The following PCDHGA11 variants were observed in gnomAD, a reference collection of about 807,000 sequenced individuals.
The protein encoded by PCDHGA11 is protocadherin gamma-A11.
In PCDHGA11, 39 loss-of-function variants were observed where a neutral mutation model predicts 60.4. The observed-to-expected ratio is 0.65, with a 90% CI of 0.50 to 0.84. The LOEUF (loss-of-function observed/expected upper bound fraction) is 0.84. PCDHGA11 is among the 40% of genes least tolerant of loss of function. PCDHGA11 has a pLI of 0.00. For synonymous variants in PCDHGA11, 533 were observed against 510.3 expected (o/e 1.04, Z -0.60); for missense variants, 1,165 against 1,197.7 (o/e 0.97, Z 0.40).
intron 1 of PCDHGA11, among the ~76,000 whole-genome samples, chr5:141,448,711 C>T (rs62379167): frequency 0.23 from 35,567 of 151,844 alleles, 4,336 homozygotes; most frequent in Admixed American, 0.32. Context: ...GAGGCCGAGG[C>T]GGGAGGATCA....
chr5:141,425,812 G>GA (rs574320012), intron 1 of PCDHGA11, among the ~76,000 whole-genome samples: 9 of 152,054 alleles, frequency 5.9e-5, no homozygotes, highest in South Asian at 4.1e-4. Flanking sequence ...CTTCTGCTTA[G>GA]AAAAAAACAA....
chr5:141,478,323 G>A, intron 1 of PCDHGA11: 2 of 1,613,958 alleles, frequency 1.2e-6, no homozygotes, highest in Non-Finnish European at 8.5e-7. Flanking sequence ...TCACTGTACC[G>A]AACACCAGGG....
chr5:141,488,751 C>T (rs1185515068), intron 1 of PCDHGA11, among the ~76,000 whole-genome samples: 1 of 152,154 alleles, frequency 6.6e-6, no homozygotes, highest in Non-Finnish European at 1.5e-5. Context: ...CAGGAAGTTG[C>T]TGGGACAGAA....
At chr5:141,463,803 A>G (rs975202568) in intron 1 of PCDHGA11, among the ~76,000 whole-genome samples, 1 of 152,150 alleles carries the variant, frequency 6.6e-6, no homozygotes, top group Non-Finnish European at 1.5e-5. Flanking sequence ...AATGTCTAAA[A>G]GCTTTTATCA....
At chr5:141,483,222 C>A (rs1011389295) in intron 1 of PCDHGA11, among the ~76,000 whole-genome samples, 4 of 152,078 alleles carry the variant, frequency 2.6e-5, no homozygotes, top group African/African-American at 9.7e-5. Context: ...ACAGTCACTG[C>A]AGAAATTTGA....
intron 1 of PCDHGA11, chr5:141,430,693 C>A: frequency 1.4e-6 from 2 of 1,425,428 alleles, no homozygotes; most frequent in Admixed American, 2.6e-5. Context: ...ATTCTATGGG[C>A]GAAGGAACTG....
At position 141,511,410 on chromosome 5, in the gene PCDHGA11, T is replaced by A; in HGVS notation, c.*237T>A. The stretch of plus-strand genomic sequence containing the variant: ...GGAACCCCCATCCAATCAACTGCTG[T>A]ACCCATGGGGGTAGTGGGGTTACTG... On this transcript the variant is annotated 3_prime_UTR_variant, in exon 4 of 4. Coordinates refer to ENST00000398587, the MANE Select transcript of PCDHGA11 (RefSeq NM_018914.3). 1 of 908,820 alleles carries A rather than the reference T, an allele frequency of 1.1e-6. No individual in the cohort carries two copies. The highest frequency in any genetic ancestry group is 1.6e-6 in the Non-Finnish European group (1 of 624,202). 56.3% of individuals were successfully genotyped at this position (908,820 alleles called of 1,614,324 possible). A position where few individuals can be genotyped will look rare whatever the true frequency, so the allele number is the denominator to read the frequency against.
rs375080564 is a variant in PCDHGA11 at position 141,486,676 on chromosome 5, T to C, written c.2434-8131T>C. On this transcript the variant is annotated intron_variant, in intron 1 of 3. Transcript: ENST00000398587. The surrounding 1 kb of genome is among the most constrained non-coding windows in gnomAD (Gnocchi z 5.0). ...CACTCCTGGAGCCCAGGAATCGAGA[T>C]GTATCAGCTTCCTCTTTCATCTCTC... The C allele has an allele frequency of 6.2e-7, 1 of 1,614,120 alleles. No homozygotes were observed. The highest frequency in any genetic ancestry group is 1.7e-5 in the Admixed American group (1 of 60,032).
Position 141,448,649 on chromosome 5 carries a change from T to C in PCDHGA11, c.2433+24989T>C, listed in dbSNP as rs181402439. 1.4e-3 allele frequency among the ~76,000 whole-genome samples: 218 copies of C among 152,220 alleles called. 1 individual carries two copies. Among genetic ancestry groups the C allele is most frequent in the African/African-American group, 5.0e-3 (206 of 41,530 alleles). On this transcript the variant is annotated intron_variant, in intron 1 of 3. Transcript: ENST00000398587. ...CTTCACATTATATCCTTTAAAAATA[T>C]TTCCATATTGGCCGGGCGCGGTGGC...
At chr5:141,458,090 G>C (rs1306631184) in intron 1 of PCDHGA11, among the ~76,000 whole-genome samples, 2 of 152,234 alleles carry the variant, frequency 1.3e-5, no homozygotes, top group Non-Finnish European at 1.5e-5. Context: ...CGTAAGTTAA[G>C]AGTACTTACA....
rs765263883 is a variant in PCDHGA11 at position 141,491,018 on chromosome 5, C to T, written c.2434-3789C>T. On this transcript the variant is annotated intron_variant, in intron 1 of 3. Coordinates refer to ENST00000398587, the MANE Select transcript of PCDHGA11 (RefSeq NM_018914.3). This position sits in a 1 kb window ranked among gnomAD's most constrained non-coding sequence, Gnocchi z 6.9. The stretch of plus-strand genomic sequence containing the variant: ...CCTGGCTCCTTGGTCACCAAGGTGA[C>T]AGCCGTGGATGCTGATGCAGGCCAC... 1.2e-6 allele frequency: 2 copies of T among 1,614,146 alleles called. No individual in the cohort carries two copies. The highest frequency in any genetic ancestry group is 1.7e-6 in the Non-Finnish European group (2 of 1,180,042).
At chr5:141,459,315 T>C (rs2154566534) in intron 1 of PCDHGA11, among the ~76,000 whole-genome samples, 1 of 152,362 alleles carries the variant, frequency 6.6e-6, no homozygotes, top group East Asian at 1.9e-4. Context: ...CTATTTTGTA[T>C]CCATCTTCTT....
intron 2 of PCDHGA11, among the ~76,000 whole-genome samples, chr5:141,499,256 A>G (rs371266271): frequency 6.6e-6 from 1 of 151,968 alleles, no homozygotes; most frequent in Non-Finnish European, 1.5e-5. Context: ...AAGAGTCTCC[A>G]TTTGGTCCCT....
rs1405589878 is a variant in PCDHGA11 at position 141,504,323 on chromosome 5, T to A, written c.2493-1070T>A. On this transcript the variant is annotated intron_variant, in intron 2 of 3. Transcript: ENST00000398587. ...CACTCGGAGTTTCTAAAAGTCTCAC[T>A]TAGGTCCAAGTGCTAGGCTTTGTGC... Among the ~76,000 whole-genome samples, 4 of 152,114 alleles carry A rather than the reference T, an allele frequency of 2.6e-5. No individual in the cohort carries two copies. In the East Asian group the frequency reaches 7.7e-4, roughly 29 times the overall value.
intron 1 of PCDHGA11, among the ~76,000 whole-genome samples, chr5:141,463,380 A>G (rs994170903): frequency 2.0e-5 from 3 of 149,876 alleles, no homozygotes; most frequent in Admixed American, 6.7e-5. Context: ...ACAGTCTGAA[A>G]GTTGTCTCCA....
At chr5:141,434,223 A>G (rs1164673241) in intron 1 of PCDHGA11, among the ~76,000 whole-genome samples, 1 of 152,214 alleles carries the variant, frequency 6.6e-6, no homozygotes, top group Non-Finnish European at 1.5e-5. Context: ...TAAACAAAGT[A>G]CGATTTCTGG....
rs1288831801 is a variant in PCDHGA11, at chr5:141,477,793, T to C, written c.2434-17014T>C. The C allele has an allele frequency of 6.2e-7, 1 of 1,614,050 alleles. No homozygotes were observed. The highest frequency in any genetic ancestry group is 2.2e-5 in the East Asian group (1 of 44,874). ...TCAGCGTGAACATATTTGTCACTGATCGCAATGACAATGCCCCCCAGGTCC... is the reference window on the plus strand; with the variant it reads ...TCAGCGTGAACATATTTGTCACTGACCGCAATGACAATGCCCCCCAGGTCC... On this transcript the variant is annotated intron_variant, in intron 1 of 3. Coordinates refer to ENST00000398587, the MANE Select transcript of PCDHGA11 (RefSeq NM_018914.3). This position sits in a 1 kb window ranked among gnomAD's most constrained non-coding sequence, Gnocchi z 4.9.
At chr5:141,439,737 A>T (rs947754447) in intron 1 of PCDHGA11, 4 of 152,382 alleles carry the variant, frequency 2.6e-5, no homozygotes, top group Non-Finnish European at 5.9e-5. Flanking sequence ...CAGGAACGGA[A>T]CGGATTTACA....
intron 1 of PCDHGA11, chr5:141,440,348 C>G (rs2098169693): frequency 6.6e-6 from 1 of 152,190 alleles, no homozygotes; most frequent in South Asian, 2.1e-4. Flanking sequence ...GGCCTATAAT[C>G]CTAGCTACTC....
Sources: gnomAD v4.1 joint callset for allele counts (sites outside exome capture counted in the v4.1 genomes callset) on GRCh38, gnomAD v4.1.1 for gene constraint, Gnocchi (gnomAD v3.1) non-coding constraint, MANE v1.5 for transcripts, NCBI Gene and HGNC (gene_info 2026-07-23, HGNC 2026-07-21) for gene names.